The following THAP9 variants were observed in gnomAD, a reference collection of about 807,000 sequenced individuals.
THAP9 encodes DNA transposase THAP9.
Under a neutral mutation model 35.7 loss-of-function variants are expected in THAP9, and 20 were observed. The observed-to-expected ratio is 0.56, with a 90% confidence interval of 0.39 to 0.81. The LOEUF is 0.81. Ranked by LOEUF, THAP9 falls within the 40% of genes least tolerant of loss-of-function variation. The pLI is 0.00. For missense variants in THAP9, 870 were observed against 1,047.4 expected, an observed-to-expected ratio of 0.83 and a Z score of 2.34; for synonymous variants, 335 against 373.7, an observed-to-expected ratio of 0.90 and a Z score of 1.19.
rs775242737 is a variant in THAP9, at chr4:82,919,136, A to G, written c.*212A>G. The G allele has an allele frequency of 7.6e-5, 32 of 423,042 alleles. No individual in the cohort carries two copies. Among genetic ancestry groups the G allele is most frequent in the Non-Finnish European group, 1.2e-4 (30 of 240,630 alleles). The allele number at this position is 423,042 out of a possible 1,614,324, so 26.2% of individuals were successfully genotyped here. A position where few individuals can be genotyped will look rare whatever the true frequency, so the allele number is the denominator to read the frequency against. On this transcript the variant is annotated 3_prime_UTR_variant, in exon 5 of 5. Coordinates refer to ENST00000302236, the MANE Select transcript of THAP9 (RefSeq NM_024672.6). ...ATGAGTTTTCCAAAATATAGAAAGC[A>G]GTAGGTCAGTAGGAGCAAACTAGCC...
In THAP9 at chr4:82,906,512, C is replaced by G. The variant is rs139976656; in HGVS notation, c.465C>G (p.Ser155=). The G allele has an allele frequency of 5.5e-3, 8,813 of 1,613,706 alleles. 31 individuals carry two copies. Among genetic ancestry groups the G allele is most frequent in the Non-Finnish European group, 6.0e-3 (7,065 of 1,179,748 alleles). ...AAGTGTCCAAAAAAAGACTTATCTC[C>G]GTAAAGAACTACAGGATGATCAAGA... The part of the protein sequence containing the change: ...MLQVSKKRLI[S]VKNYRMIKKR... The change falls in exon 3 of 5, where the codon TCC becomes TCG. Residue 155 remains serine (S), a synonymous_variant. Coordinates refer to ENST00000302236, the MANE Select transcript of THAP9 (RefSeq NM_024672.6).
chr4:82,912,134 T>G (rs1258161053), intron 4 of THAP9, among the ~76,000 whole-genome samples: 2 of 152,222 alleles, frequency 1.3e-5, no homozygotes, highest in African/African-American at 4.8e-5. Context: ...AAAGCTGTGT[T>G]TTTTACAATT....
rs1386986948 is a variant in THAP9, at chr4:82,918,092, C to T, written c.1880C>T (p.Ser627Phe). The T allele has an allele frequency of 6.2e-7, 1 of 1,613,996 alleles. No individual in the cohort carries two copies. The highest frequency in any genetic ancestry group is 1.1e-5 in the South Asian group (1 of 91,082). ...KMLRQVLVTS[S>F]SPTCMAFQKA... ...CTTAGGCAGGTATTAGTAACAAGTT[C>T]TAGCCCTACCTGCATGGCATTCCAG... Residue 627 changes from serine to phenylalanine, a missense_variant, in exon 5 of 5, where the codon TCT becomes TTT. Around this residue, in one of 3 missense-constraint regions of THAP9, gnomAD observed 414 missense variants for 500.8 expected, o/e 0.83. Transcript: ENST00000302236.
At chr4:82,908,524 A>G (rs918789926) in intron 4 of THAP9, among the ~76,000 whole-genome samples, 1 of 152,236 alleles carries the variant, frequency 6.6e-6, no homozygotes, top group Non-Finnish European at 1.5e-5. Flanking sequence ...ATGATTTTCT[A>G]GTAATGTCTT....
Position 82,918,244 on chromosome 4 carries a change from T to C in THAP9, c.2032T>C (p.Tyr678His), listed in dbSNP as rs1225600246. The C allele has an allele frequency of 3.1e-6, 5 of 1,614,188 alleles. No individual in the cohort carries two copies. Among genetic ancestry groups the C allele is most frequent in the Non-Finnish European group, 4.2e-6 (5 of 1,180,010 alleles). The change falls in exon 5 of 5, where the codon TAT becomes CAT. Residue 678 changes from tyrosine (Y) to histidine (H), a missense_variant. Physicochemically the swap from Tyr to His is moderately conservative, Grantham distance 83 (BLOSUM62 2). Around this residue, in one of 3 missense-constraint regions of THAP9, gnomAD observed 414 missense variants for 500.8 expected, o/e 0.83. Coordinates refer to ENST00000302236, the MANE Select transcript of THAP9 (RefSeq NM_024672.6). The stretch of plus-strand genomic sequence containing the variant: ...GGCGCTTTGGACAGTTCAACGTCAG[T>C]ATGGTGTCAGCGTTACAAAGACTGT... ...DLALWTVQRQ[Y>H]GVSVTKTVFH...
intron 1 of THAP9, among the ~76,000 whole-genome samples, chr4:82,904,403 A>G (rs1232597440): frequency 1.3e-5 from 2 of 152,206 alleles, no homozygotes; most frequent in East Asian, 3.8e-4. Context: ...ATAGTTTAAA[A>G]TCACTACAGG....
intron 2 of THAP9, among the ~76,000 whole-genome samples, chr4:82,905,684 C>T (rs1249182960): frequency 6.6e-6 from 1 of 152,110 alleles, no homozygotes; most frequent in Non-Finnish European, 1.5e-5. Flanking sequence ...TCTTTTCAAA[C>T]CATATATACT....
intron 1 of THAP9, 158 bp downstream of exon 1, chr4:82,901,040 A>T: frequency 3.4e-6 from 3 of 871,948 alleles, no homozygotes; most frequent in Non-Finnish European, 5.6e-6. Context: ...GAATTGGGGC[A>T]CTGTGAGAAT....
intron 4 of THAP9, among the ~76,000 whole-genome samples, chr4:82,909,418 C>A (rs1425640616): frequency 8.7e-6 from 1 of 114,770 alleles, no homozygotes; most frequent in African/African-American, 4.5e-5. Flanking sequence ...AGAGTATTTC[C>A]TTCCTGTGTG....
rs199536519 is a variant in THAP9, at chr4:82,917,070, C to G, written c.858C>G (p.Leu286=). ...YCSLLIKSMP[L]KQQLQWDPSS... ...CATTGTTAATAAAAAGTATGCCTCT[C>G]AAGCAACAGCTTCAGTGGGATCCTA... Residue 286 remains leucine (L), a synonymous_variant, in exon 5 of 5, where the codon CTC becomes CTG. Transcript: ENST00000302236. The G allele has an allele frequency of 1.7e-5, 28 of 1,613,428 alleles. No individual in the cohort carries two copies. In the African/African-American group the frequency reaches 2.9e-4, roughly 17 times the overall value.
In THAP9 at chr4:82,919,010, C is replaced by T; in HGVS notation, c.*86C>T. On this transcript the variant is annotated 3_prime_UTR_variant, in exon 5 of 5. Coordinates refer to ENST00000302236, the MANE Select transcript of THAP9 (RefSeq NM_024672.6). ...AATTTACCATATTTTATAAATTGCGCATTCTGCACAGTGGACAAGTTTGCA... is the reference window on the plus strand; with the variant it reads ...AATTTACCATATTTTATAAATTGCGTATTCTGCACAGTGGACAAGTTTGCA... 1.8e-6 allele frequency: 2 copies of T among 1,134,862 alleles called. No homozygotes were observed. Among genetic ancestry groups the T allele is most frequent in the Non-Finnish European group, 2.5e-6 (2 of 806,600 alleles). 70.3% of individuals were successfully genotyped at this position (1,134,862 alleles called of 1,614,324 possible).
intron 4 of THAP9, 114 bp from the exon 5 acceptor site, chr4:82,916,830 A>G (rs563399780): frequency 1.2e-6 from 1 of 815,090 alleles, no homozygotes; most frequent in African/African-American, 1.7e-5. Context: ...GGCTGCTTAT[A>G]TACTTGGCTT....
In THAP9 at chr4:82,907,897, A is replaced by G. The variant is rs1006135204; in HGVS notation, c.693A>G (p.Arg231=). The change falls in exon 4 of 5, where the codon AGA becomes AGG. Residue 231 remains arginine, a synonymous_variant. Transcript: ENST00000302236. ...LCSSKVYDYV[R]KILKLPHSSI... is the part of the protein sequence containing the mutation. ...GTAGCAAAGTCTATGATTATGTAAG[A>G]AAGATTCTTAAGCTGCCTCATTCTT... The G allele has an allele frequency of 3.1e-6, 5 of 1,610,058 alleles. No individual in the cohort carries two copies. The highest frequency in any genetic ancestry group is 3.4e-5 in the Admixed American group (2 of 59,290).
Position 82,917,673 on chromosome 4 carries a change from C to G in THAP9, c.1461C>G (p.Ala487=), listed in dbSNP as rs542641839. Residue 487 remains alanine, a synonymous_variant, in exon 5 of 5, where the codon GCC becomes GCG. Transcript: ENST00000302236. ...SATQLFSESV[A]SALEYLLSLD... ...CCCAACTCTTTAGTGAGAGTGTAGCCAGTGCATTAGAATATTTGTTATCCT... is the reference window on the plus strand; with the variant it reads ...CCCAACTCTTTAGTGAGAGTGTAGCGAGTGCATTAGAATATTTGTTATCCT... 1 of 1,612,986 alleles carries G rather than the reference C, an allele frequency of 6.2e-7. No homozygotes were observed. Among genetic ancestry groups the G allele is most frequent in the Non-Finnish European group, 8.5e-7 (1 of 1,179,378 alleles).
intron 1 of THAP9, among the ~76,000 whole-genome samples, chr4:82,901,373 A>G (rs1353301198): frequency 1.3e-5 from 2 of 152,168 alleles, no homozygotes; most frequent in African/African-American, 4.8e-5. Flanking sequence ...TTGGCTCGAC[A>G]GTGGGGAAGA....
At position 82,902,263 on chromosome 4, in the gene THAP9, CT is replaced by C. The variant is rs756304657; in HGVS notation, c.80+1395del. ...CTACAGGCACAGACCACCATCCCGG[CT>C]TTTTTTTTTTTTTGGTAGAGATGAG... On this transcript the variant is annotated intron_variant, in intron 1 of 4. Transcript: ENST00000302236. Among the ~76,000 whole-genome samples the C allele has an allele frequency of 6.5e-3, 898 of 137,278 alleles. 6 individuals carry two copies. Among genetic ancestry groups the C allele is most frequent in the African/African-American group, 0.013 (493 of 37,548 alleles). 90.1% of individuals were successfully genotyped at this position (137,278 alleles called of 152,430 possible).
rs1342235136 is a variant in THAP9 at position 82,907,915 on chromosome 4, T to A, written c.711T>A (p.Pro237=). The A allele has an allele frequency of 6.2e-7, 1 of 1,609,348 alleles. No individual in the cohort carries two copies. The highest frequency in any genetic ancestry group is 2.2e-5 in the East Asian group (1 of 44,744). Residue 237 remains proline (P), a synonymous_variant, in exon 4 of 5, where the codon CCT becomes CCA. Coordinates refer to ENST00000302236, the MANE Select transcript of THAP9 (RefSeq NM_024672.6). Reference sequence around the variant, plus strand: ...ATGTAAGAAAGATTCTTAAGCTGCCTCATTCTTCCATCCTCAGAACGTAAG... The same window carrying A: ...ATGTAAGAAAGATTCTTAAGCTGCCACATTCTTCCATCCTCAGAACGTAAG... ...YDYVRKILKL[P]HSSILRTWLS...
At chr4:82,916,643 T>G (rs1721041491) in intron 4 of THAP9, among the ~76,000 whole-genome samples, 2 of 152,274 alleles carry the variant, frequency 1.3e-5, no homozygotes, top group African/African-American at 4.8e-5. Flanking sequence ...TGTTTATGAT[T>G]TACAATATAA....
rs1721127832 is a variant in THAP9, at chr4:82,918,534, TTG to T, written c.2325_2326del (p.Cys775Ter). ...SESLCRVINI[C>X]ERVVRTHSRM... ...AAAGTCTGTGTCGGGTCATAAATAT[TTG>T]TGAGCGAGTTGTAAGAACCCATTCA... On this transcript the variant is annotated frameshift_variant, in exon 5 of 5. Transcript: ENST00000302236. LOFTEE classifies it high-confidence loss of function. 1 of 1,614,038 alleles carries T rather than the reference TTG, an allele frequency of 6.2e-7. No homozygotes were observed. Among genetic ancestry groups the T allele is most frequent in the Non-Finnish European group, 8.5e-7 (1 of 1,179,994 alleles).
Sources: gnomAD v4.1 joint callset for allele counts (sites outside exome capture counted in the v4.1 genomes callset) on GRCh38, gnomAD v4.1.1 for gene constraint, gnomAD v4.1.1 regional missense constraint, MANE v1.5 for transcripts, NCBI Gene and HGNC (gene_info 2026-07-23, HGNC 2026-07-21) for gene names.